SHANK2: variants seen among roughly 807,000 people sequenced by gnomAD.
SHANK2 encodes SH3 and multiple ankyrin repeat domains 2.
SHANK2 carries 43 observed loss-of-function variants against 133.7 expected under a neutral mutation model. That is an observed-to-expected ratio of 0.32 (90% CI 0.25 to 0.41). The LOEUF is 0.41. Among genes scored for constraint, SHANK2 ranks in the 10% least tolerant of loss-of-function variants. The pLI, the probability that SHANK2 is intolerant of heterozygous loss-of-function variation, is 1.00. For synonymous variants in SHANK2, 1,017 were observed against 952.8 expected (o/e 1.07, Z -1.24); for missense variants, 1,994 against 2,235.8 (o/e 0.89, Z 2.18).
intron 12 of SHANK2, among the ~76,000 whole-genome samples, chr11:70,819,518 T>C (rs1189322555): frequency 1.3e-5 from 2 of 152,188 alleles, no homozygotes; most frequent in Admixed American, 6.5e-5. Flanking sequence ...GGCAGAGACC[T>C]GCTTGGGAGT....
intron 10 of SHANK2, among the ~76,000 whole-genome samples, chr11:70,898,374 C>A (rs186142405): frequency 2.0e-5 from 3 of 147,550 alleles, no homozygotes; most frequent in Non-Finnish European, 1.5e-5. Context: ...GTGAAAAAAA[C>A]CAAATATCTA....
chr11:70,492,563 A>G (rs2058905742), intron 21 of SHANK2, 98 bp from the exon 22 acceptor site: 4 of 1,502,496 alleles, frequency 2.7e-6, no homozygotes, highest in Non-Finnish European at 1.8e-6. Flanking sequence ...CCAACATCCA[A>G]AACTGTGCAG....
intron 2 of SHANK2, among the ~76,000 whole-genome samples, chr11:71,211,944 G>A (rs1289053195): frequency 6.6e-6 from 1 of 152,072 alleles, no homozygotes; most frequent in Non-Finnish European, 1.5e-5. Flanking sequence ...AACGACTCTG[G>A]CTTAACGTCC....
At chr11:71,251,627 C>T (rs1270171164) in intron 1 of SHANK2, among the ~76,000 whole-genome samples, 2 of 151,472 alleles carry the variant, frequency 1.3e-5, no homozygotes, top group African/African-American at 4.8e-5. Context: ...GCGCCGGTGC[C>T]AGCTTCCTGC....
At chr11:71,104,455 G>A (rs73521150) in intron 6 of SHANK2, among the ~76,000 whole-genome samples, 2,864 of 152,286 alleles carry the variant, frequency 0.019, 93 homozygotes, top group African/African-American at 0.065. Context: ...AGGAGGATGC[G>A]TATCCGTCCC....
chr11:70,812,951 C>T (rs1453902585), intron 12 of SHANK2, among the ~76,000 whole-genome samples: 5 of 152,122 alleles, frequency 3.3e-5, no homozygotes, highest in Non-Finnish European at 7.4e-5. Context: ...GGCCATTTCC[C>T]AGCCAGCCTG....
intron 10 of SHANK2, among the ~76,000 whole-genome samples, chr11:70,949,170 G>C (rs1405096508): frequency 1.3e-5 from 2 of 152,210 alleles, no homozygotes; most frequent in Admixed American, 1.3e-4. Flanking sequence ...TGATTTGCTT[G>C]GTCACTCACA....
intron 2 of SHANK2, among the ~76,000 whole-genome samples, chr11:71,209,455 C>T (rs1432972813): frequency 1.3e-5 from 2 of 152,200 alleles, no homozygotes; most frequent in African/African-American, 4.8e-5. Flanking sequence ...TCAGGCTTCC[C>T]TGTCCAGGGA....
At chr11:70,522,339 C>T (rs797040831) in intron 17 of SHANK2, among the ~76,000 whole-genome samples, 57 of 152,186 alleles carry the variant, frequency 3.7e-4, no homozygotes, top group African/African-American at 1.4e-3. Flanking sequence ...TTTTGCTGGA[C>T]GTTGCCAATC....
chr11:70,930,930 G>T (rs1207369675), intron 10 of SHANK2, among the ~76,000 whole-genome samples: 2 of 151,038 alleles, frequency 1.3e-5, no homozygotes, highest in African/African-American at 4.9e-5. Flanking sequence ...GCCTCCAAAA[G>T]TGCTGGGACT....
At chr11:70,668,768 A>C (rs782332924) in intron 15 of SHANK2, 1 of 152,382 alleles carries the variant, frequency 6.6e-6, no homozygotes, top group Non-Finnish European at 1.5e-5. Flanking sequence ...AGAAGAGAAA[A>C]GAACATTCCA....
At chr11:70,750,508 A>G (rs1486200858) in intron 14 of SHANK2, among the ~76,000 whole-genome samples, 1 of 152,188 alleles carries the variant, frequency 6.6e-6, no homozygotes, top group Non-Finnish European at 1.5e-5. Flanking sequence ...ATGAAGGTCC[A>G]TTTGCAGTAA....
chr11:71,212,816 T>C (rs1056950638), intron 2 of SHANK2, among the ~76,000 whole-genome samples: 2 of 152,106 alleles, frequency 1.3e-5, no homozygotes, highest in Non-Finnish European at 1.5e-5. Flanking sequence ...AGAGGTTTCT[T>C]TCCCCATTTC....
intron 17 of SHANK2, among the ~76,000 whole-genome samples, chr11:70,578,395 G>A (rs2060143390): frequency 6.6e-6 from 1 of 152,212 alleles, no homozygotes; most frequent in African/African-American, 2.4e-5. Flanking sequence ...CTGCTCACCT[G>A]AGGATGGTGA....
At position 70,942,798 on chromosome 11, in the gene SHANK2, G is replaced by A. The variant is rs568197279; in HGVS notation, c.1108-46231C>T. ...CCTTAACTCTGCACCAAGCTGTACC[G>A]GGTTAACACTGCCACTCAGTGGCCA... is the stretch of plus-strand genomic sequence containing the variant. On this transcript the variant is annotated intron_variant, in intron 10 of 25. Transcript: ENST00000601538. 2.8e-5 allele frequency: 13 copies of A among 456,648 alleles called. No individual in the cohort carries two copies. In the East Asian group the frequency reaches 3.5e-4, roughly 12 times the overall value. 28.3% of individuals were successfully genotyped at this position (456,648 alleles called of 1,614,324 possible). A position where few individuals can be genotyped will look rare whatever the true frequency, so the allele number is the denominator to read the frequency against.
chr11:71,248,945 G>A lies in SHANK2; in HGVS notation c.-113+3480C>T, dbSNP rs868912556. On this transcript the variant is annotated intron_variant, in intron 1 of 25. Coordinates refer to ENST00000601538, the MANE Select transcript of SHANK2 (RefSeq NM_012309.5). ...CCTCCCCATTATCCTAGAAGCTCCC[G>A]GAGGCAGCCCTTGTGGCCAGTCCAG... Among the ~76,000 whole-genome samples the A allele has an allele frequency of 7.2e-5, 11 of 152,256 alleles. No homozygotes were observed. In the South Asian group the frequency reaches 8.3e-4, roughly 11 times the overall value.
Position 70,535,973 on chromosome 11 carries a change from G to A in SHANK2, c.2062-33042C>T, listed in dbSNP as rs971630655. 6.6e-6 allele frequency among the ~76,000 whole-genome samples: 1 copy of A among 152,244 alleles called. No individual in the cohort carries two copies. Among genetic ancestry groups the A allele is most frequent in the South Asian group, 2.1e-4 (1 of 4,832 alleles). ...GAGGCTGGTTGACTGAGGGGGCTGC[G>A]TGGGGGCTGGGCCTGAAGCCAGACC... On this transcript the variant is annotated intron_variant, in intron 17 of 25. Coordinates refer to ENST00000601538, the MANE Select transcript of SHANK2 (RefSeq NM_012309.5). This position sits in a 1 kb window ranked among gnomAD's most constrained non-coding sequence, Gnocchi z 4.3.
chr11:70,586,909 T>C (rs2060261778), intron 17 of SHANK2, among the ~76,000 whole-genome samples: 1 of 151,872 alleles, frequency 6.6e-6, no homozygotes, highest in Admixed American at 6.6e-5. Context: ...AAAGGCAAAG[T>C]CTCCCTCTTC....
intron 14 of SHANK2, among the ~76,000 whole-genome samples, chr11:70,797,268 T>G (rs1437502597): frequency 6.6e-6 from 1 of 152,162 alleles, no homozygotes; most frequent in Non-Finnish European, 1.5e-5. Context: ...CATCGCCACA[T>G]CCAGAAAAAC....
Sources: allele counts gnomAD v4.1 joint callset (sites outside exome capture counted in the v4.1 genomes callset), GRCh38; gene constraint gnomAD v4.1.1; non-coding constraint Gnocchi (gnomAD v3.1); transcripts MANE v1.5; gene names NCBI Gene and HGNC (gene_info 2026-07-23, HGNC 2026-07-21).